FANCM: variants seen among roughly 807,000 people sequenced by gnomAD.
The protein encoded by FANCM is Fanconi anemia group M protein.
Under a neutral mutation model 199.5 loss-of-function variants are expected in FANCM, and 140 were observed. That is an observed-to-expected ratio of 0.70 (90% CI 0.61 to 0.81). FANCM has a LOEUF of 0.81. Ranked by LOEUF, FANCM falls within the 30% of genes least tolerant of loss-of-function variation. The pLI is 0.00. For synonymous variants in FANCM, 840 were observed against 836.8 expected (o/e 1.00, Z -0.07); for missense variants, 2,410 against 2,421.4 (o/e 1.00, Z 0.10).
At chr14:45,155,481 TAAGGC>T (rs1410722705) in intron 8 of FANCM, 22 bp downstream of exon 8, 1 of 1,230,150 alleles carries the variant, frequency 8.1e-7, no homozygotes, top group African/African-American at 1.5e-5. Context: ...TTAGTAGCTT[TAAGGC>T]AAGACAAAGT....
chr14:45,167,153 C>A lies in FANCM; in HGVS notation c.1992C>A (p.Ser664=). The stretch of plus-strand genomic sequence containing the variant: ...TGCAGCGAAAGTCATCTATCTTTTC[C>A]TATAGGGATGGTAAATAAATTTTGC... The part of the protein sequence containing the change: ...RNLQRKSSIF[S]YRDGMRQSSL... The change falls in exon 11 of 23, where the codon TCC becomes TCA. Residue 664 remains serine (S), a synonymous_variant. Coordinates refer to ENST00000267430, the MANE Select transcript of FANCM (RefSeq NM_020937.4). 17 of 1,603,954 alleles carry A rather than the reference C, an allele frequency of 1.1e-5. No individual in the cohort carries two copies. Among genetic ancestry groups the A allele is most frequent in the Non-Finnish European group, 1.5e-5 (17 of 1,170,832 alleles).
At position 45,174,975 on chromosome 14, in the gene FANCM, A is replaced by G; in HGVS notation, c.2317-96A>G. 3 of 685,586 alleles carry G rather than the reference A, an allele frequency of 4.4e-6. No homozygotes were observed. The East Asian group carries it at 8.2e-5, about 19-fold the overall frequency. 42.5% of individuals were successfully genotyped at this position (685,586 alleles called of 1,614,324 possible). A position where few individuals can be genotyped will look rare whatever the true frequency, so the allele number is the denominator to read the frequency against. ...AATATCACTGGAACAATGTAATAAT[A>G]TAAATATTTTAATATAGAGTGAAAC... On this transcript the variant is annotated intron_variant, in intron 13 of 22. Transcript: ENST00000267430.
At position 45,137,245 on chromosome 14, in the gene FANCM, A is replaced by G. The variant is rs779037635; in HGVS notation, c.681+4A>G. 1.2e-6 allele frequency: 2 copies of G among 1,610,356 alleles called. No individual in the cohort carries two copies. Among genetic ancestry groups the G allele is most frequent in the South Asian group, 2.2e-5 (2 of 91,068 alleles). Reference sequence around the variant, plus strand: ...CGGAAACTATGCTTATTGCCAGGTAATAATTTTGTTAAACGGTATTTTGTA... The same window carrying G: ...CGGAAACTATGCTTATTGCCAGGTAGTAATTTTGTTAAACGGTATTTTGTA... On this transcript the variant is annotated splice_donor_region_variant and intron_variant, in intron 2 of 22. Coordinates refer to ENST00000267430, the MANE Select transcript of FANCM (RefSeq NM_020937.4).
Position 45,151,381 on chromosome 14 carries a change from G to A in FANCM, c.919-16G>A. The A allele has an allele frequency of 1.2e-6, 2 of 1,612,382 alleles. No homozygotes were observed. The highest frequency in any genetic ancestry group is 1.7e-6 in the Non-Finnish European group (2 of 1,178,766). On this transcript the variant is annotated splice_polypyrimidine_tract_variant and intron_variant, in intron 4 of 22. Coordinates refer to ENST00000267430, the MANE Select transcript of FANCM (RefSeq NM_020937.4). ...CTTTAGAGCAAGCTTAAACTAGATTGCTTTTAAATTTGCAGATTTTGGAAT... is the reference window on the plus strand; with the variant it reads ...CTTTAGAGCAAGCTTAAACTAGATTACTTTTAAATTTGCAGATTTTGGAAT...
intron 3 of FANCM, 70 bp from the exon 4 acceptor site, chr14:45,148,767 T>G: frequency 1.0e-6 from 1 of 1,002,754 alleles, no homozygotes; most frequent in Non-Finnish European, 1.5e-6. Context: ...GCTATTTTAT[T>G]TCTGTTAGTG....
rs867324948 is a variant in FANCM at position 45,176,365 on chromosome 14, G to A, written c.3611G>A (p.Arg1204His). 14 of 1,613,086 alleles carry A rather than the reference G, an allele frequency of 8.7e-6. No homozygotes were observed. The highest frequency in any genetic ancestry group is 1.6e-4 in the Middle Eastern group (1 of 6,084). The change falls in exon 14 of 23, where the codon CGT becomes CAT. Residue 1204 changes from arginine to histidine, a missense_variant. Transcript: ENST00000267430. ...CGTGATGCTAATAGTTTTAAATCTC[G>A]TGATCAGAGAGGTGTACAGGAAGAA... is the stretch of plus-strand genomic sequence containing the variant. ...ITRDANSFKS[R>H]DQRGVQEEKV...
rs1352733273 is a variant in FANCM at position 45,189,122 on chromosome 14, A to T, written c.5100A>T (p.Gln1700His). The T allele has an allele frequency of 1.2e-6, 2 of 1,614,194 alleles. No individual in the cohort carries two copies. ...VNPSTVKKNKQQDHCLNSVPS... is the reference protein window; with the variant it reads ...VNPSTVKKNKHQDHCLNSVPS... The stretch of plus-strand genomic sequence containing the variant: ...CAAGCACTGTTAAGAAGAACAAACA[A>T]CAGGACCATTGTTTAAATTCAGTGC... The change falls in exon 20 of 23, where the codon CAA becomes CAT. Residue 1700 changes from glutamine to histidine, a missense_variant. Transcript: ENST00000267430.
rs1410297349 is a variant in FANCM, at chr14:45,139,752, G to A, written c.682-880G>A. On this transcript the variant is annotated intron_variant, in intron 2 of 22. Transcript: ENST00000267430. ...CAGCACTTTGGAAGGCCAATGCCAG[G>A]GATCACTTGAGGCCAGGAGTTCAAG... is the stretch of plus-strand genomic sequence containing the variant. Among the ~76,000 whole-genome samples the A allele has an allele frequency of 3.9e-5, 6 of 152,150 alleles. No homozygotes were observed. The South Asian group carries it at 1.2e-3, about 31-fold the overall frequency.
chr14:45,190,658 C>G (rs1165998772), intron 20 of FANCM, among the ~76,000 whole-genome samples: 1 of 152,060 alleles, frequency 6.6e-6, no homozygotes, highest in Non-Finnish European at 1.5e-5. Context: ...CTGCCTTAGC[C>G]ACATGCTTGA....
At chr14:45,171,974 C>T (rs945992697) in intron 12 of FANCM, among the ~76,000 whole-genome samples, 1 of 152,102 alleles carries the variant, frequency 6.6e-6, no homozygotes, top group Admixed American at 6.6e-5. Context: ...ACACTCCCAC[C>T]AGCAGTGTAA....
rs1379933871 is a variant in FANCM, at chr14:45,186,574, G to GT, written c.4672+1204dup. Reference sequence around the variant, plus strand: ...AGTTCGTGACTTTTAAGAAAAAAGTGTTTAAAAGGCAATGTTCTCAGTACT... The same window carrying GT: ...AGTTCGTGACTTTTAAGAAAAAAGTGTTTTAAAAGGCAATGTTCTCAGTACT... On this transcript the variant is annotated intron_variant, in intron 18 of 22. Transcript: ENST00000267430. 3.9e-5 allele frequency among the ~76,000 whole-genome samples: 6 copies of GT among 152,186 alleles called. No individual in the cohort carries two copies. In the East Asian group the frequency reaches 1.2e-3, roughly 29 times the overall value.
At chr14:45,137,517 G>C (rs1214713373) in intron 2 of FANCM, 2 of 423,164 alleles carry the variant, frequency 4.7e-6, no homozygotes, top group Non-Finnish European at 8.7e-6. Flanking sequence ...GATCATGAGA[G>C]CCTAGTCATG....
chr14:45,181,367 A>G (rs902181839), intron 14 of FANCM, 63 bp from the exon 15 acceptor site: 4 of 857,462 alleles, frequency 4.7e-6, no homozygotes, highest in Non-Finnish European at 7.7e-6. Context: ...AATAAAATAG[A>G]TTGTTATGAT....
intron 9 of FANCM, among the ~76,000 whole-genome samples, chr14:45,161,085 T>C (rs1887571792): frequency 6.6e-6 from 1 of 152,142 alleles, no homozygotes; most frequent in Admixed American, 6.5e-5. Flanking sequence ...ATACCTGCAG[T>C]ACCCAATCCG....
chr14:45,200,081 TATG>T lies in FANCM; in HGVS notation c.*74_*76del, dbSNP rs1180850325. ...TGCACTTCAATAATCATTGCTGTTT[TATG>T]TTTATTTGTAAATAAGAGAATATTT... On this transcript the variant is annotated 3_prime_UTR_variant, in exon 23 of 23. Transcript: ENST00000267430. 2.2e-6 allele frequency: 2 copies of T among 900,216 alleles called. No individual in the cohort carries two copies. Among genetic ancestry groups the T allele is most frequent in the Admixed American group, 4.3e-5 (2 of 46,288 alleles). 55.8% of individuals were successfully genotyped at this position (900,216 alleles called of 1,614,324 possible).
Position 45,176,814 on chromosome 14 carries a change from A to G in FANCM, c.4060A>G (p.Arg1354Gly). 1 of 1,606,870 alleles carries G rather than the reference A, an allele frequency of 6.2e-7. No homozygotes were observed. The highest frequency in any genetic ancestry group is 8.5e-7 in the Non-Finnish European group (1 of 1,176,558). Residue 1354 changes from arginine (R) to glycine (G), a missense_variant, in exon 14 of 23, where the codon AGA (arginine) becomes GGA (glycine). Transcript: ENST00000267430. ...SNTLNSFSKI[R>G]KEILKTPDSS... Reference sequence around the variant, plus strand: ...CACATTGAACTCATTTTCTAAGATAAGAAAGGAAATACTTAAGACACCAGA... The same window carrying G: ...CACATTGAACTCATTTTCTAAGATAGGAAAGGAAATACTTAAGACACCAGA...
In FANCM at chr14:45,181,641, A is replaced by C. The variant is rs768911217; in HGVS notation, c.4322A>C (p.Gln1441Pro). The C allele has an allele frequency of 1.4e-5, 22 of 1,610,836 alleles. No homozygotes were observed. The highest frequency in any genetic ancestry group is 1.8e-5 in the Non-Finnish European group (21 of 1,177,562). ...TACTTTATTTACTTACTTTAGGATC[A>C]GAAAAATAGTGAAGTTGATTCTCCA... ...KGNVLNSPED[Q>P]KNSEVDSPLH... The change falls in exon 16 of 23, where the codon CAG becomes CCG. Residue 1441 changes from glutamine (Q) to proline (P), a missense_variant. Gln to Pro is a moderately conservative substitution (Grantham distance 76, BLOSUM62 -1). Coordinates refer to ENST00000267430, the MANE Select transcript of FANCM (RefSeq NM_020937.4).
At chr14:45,138,483 C>T (rs1460848290) in intron 2 of FANCM, among the ~76,000 whole-genome samples, 2 of 151,872 alleles carry the variant, frequency 1.3e-5, no homozygotes, top group Non-Finnish European at 2.9e-5. Flanking sequence ...TGATATCATT[C>T]CAAATTAAAT....
chr14:45,144,832 C>T (rs1431903936), intron 3 of FANCM, among the ~76,000 whole-genome samples: 5 of 152,114 alleles, frequency 3.3e-5, no homozygotes, highest in African/African-American at 1.2e-4. Flanking sequence ...TGCCCTTCCC[C>T]ACTGTGGCTG....
Sources: gnomAD v4.1 joint callset for allele counts (sites outside exome capture counted in the v4.1 genomes callset) on GRCh38, gnomAD v4.1.1 for gene constraint, MANE v1.5 for transcripts, NCBI Gene and HGNC (gene_info 2026-07-23, HGNC 2026-07-21) for gene names.